ASH1L: variants seen among roughly 807,000 people sequenced by gnomAD.
ASH1L encodes histone-lysine N-methyltransferase ASH1L.
In ASH1L, 23 loss-of-function variants were observed where a neutral mutation model predicts 269.0. The observed-to-expected ratio is 0.09, with a 90% CI of 0.06 to 0.12. The LOEUF is 0.12. Among genes scored for constraint, ASH1L ranks in the 10% least tolerant of loss-of-function variants. The pLI is 1.00. For missense variants in ASH1L, 2,912 were observed against 3,567.8 expected (o/e 0.82, Z 4.68); for synonymous variants, 1,187 against 1,253.5 (o/e 0.95, Z 1.12).
intron 2 of ASH1L, among the ~76,000 whole-genome samples, chr1:155,506,209 G>A (rs1370760291): frequency 1.3e-5 from 2 of 152,026 alleles, no homozygotes; most frequent in Non-Finnish European, 2.9e-5. Flanking sequence ...TGGTGTATAT[G>A]TTAATACACT....
chr1:155,354,734 G>A (rs1011803974), intron 15 of ASH1L, 104 bp from the exon 16 acceptor site: 13 of 1,144,508 alleles, frequency 1.1e-5, no homozygotes, highest in Non-Finnish European at 1.6e-5. Context: ...CGTGAATTGA[G>A]CTGTTGTAAA....
chr1:155,393,995 G>C (rs1188443913), intron 7 of ASH1L, among the ~76,000 whole-genome samples: 1 of 152,126 alleles, frequency 6.6e-6, no homozygotes, highest in Non-Finnish European at 1.5e-5. Context: ...AATAAATATT[G>C]TAATTATAGA....
chr1:155,545,464 A>C (rs1670742887), intron 1 of ASH1L, among the ~76,000 whole-genome samples: 1 of 151,600 alleles, frequency 6.6e-6, no homozygotes, highest in South Asian at 2.1e-4. Context: ...TATTTTTTAT[A>C]CACACACACA....
chr1:155,387,065 C>T (rs779114204), intron 7 of ASH1L, among the ~76,000 whole-genome samples: 11 of 152,080 alleles, frequency 7.2e-5, no homozygotes, highest in Non-Finnish European at 1.3e-4. Flanking sequence ...CCTCCACCTC[C>T]AGGGTTCAAG....
At chr1:155,385,373 G>A (rs1657342058) in intron 7 of ASH1L, among the ~76,000 whole-genome samples, 1 of 152,194 alleles carries the variant, frequency 6.6e-6, no homozygotes, top group Non-Finnish European at 1.5e-5. Flanking sequence ...GAACCTGGGA[G>A]GTAGAGGCTA....
intron 10 of ASH1L, among the ~76,000 whole-genome samples, chr1:155,376,572 G>A (rs989274395): frequency 1.1e-4 from 17 of 152,148 alleles, no homozygotes; most frequent in African/African-American, 2.6e-4. Flanking sequence ...CCAGCTACTC[G>A]GGAGGCTGAG....
intron 5 of ASH1L, chr1:155,433,947 C>A: frequency 6.3e-7 from 1 of 1,581,454 alleles, no homozygotes; most frequent in Non-Finnish European, 8.6e-7. Context: ...CCGAAACCCA[C>A]ACTGCAGCAG....
intron 12 of ASH1L, chr1:155,370,264 A>G: frequency 1.9e-6 from 1 of 530,266 alleles, no homozygotes. Context: ...TGCATGCCAA[A>G]CAAAAAAACC....
At chr1:155,433,184 C>T (rs571949786) in intron 5 of ASH1L, 14 of 1,533,664 alleles carry the variant, frequency 9.1e-6, no homozygotes, top group South Asian at 4.8e-5. Context: ...TTCCCCATGG[C>T]GGGACACCTG....
chr1:155,343,297 T>G lies in ASH1L; in HGVS notation c.8293+17A>C. ...CACTTGGCCGAGGTCATTTTTTAAC[T>G]AGCCCAGATCACTTACCTTTACAAT... is the stretch of plus-strand genomic sequence containing the variant. On this transcript the variant is annotated intron_variant, in intron 24 of 27. Coordinates refer to ENST00000392403, the MANE Select transcript of ASH1L (RefSeq NM_018489.3). The surrounding 1 kb of genome is among the most constrained non-coding windows in gnomAD (Gnocchi z 6.1). The G allele has an allele frequency of 6.2e-7, 1 of 1,601,000 alleles. No individual in the cohort carries two copies. Among genetic ancestry groups the G allele is most frequent in the Non-Finnish European group, 8.5e-7 (1 of 1,173,002 alleles).
chr1:155,529,026 G>A (rs1160750993), intron 1 of ASH1L, among the ~76,000 whole-genome samples: 3 of 151,854 alleles, frequency 2.0e-5, no homozygotes, highest in African/African-American at 7.3e-5. Context: ...CCAAGTACAT[G>A]ATCTCATTTT....
chr1:155,488,098 G>A, intron 2 of ASH1L, among the ~76,000 whole-genome samples: 1 of 151,268 alleles, frequency 6.6e-6, no homozygotes, highest in East Asian at 2.0e-4. Flanking sequence ...TCTTGGCCAG[G>A]CTGGTCTTGA....
intron 21 of ASH1L, 33 bp from the exon 22 acceptor site, chr1:155,344,306 TG>T: frequency 1.3e-6 from 2 of 1,497,584 alleles, no homozygotes; most frequent in Non-Finnish European, 1.9e-6. Context: ...GTATAAGGGC[TG>T]GAATTACTAC....
chr1:155,399,022 T>C (rs1367484544), intron 6 of ASH1L, among the ~76,000 whole-genome samples: 1 of 152,136 alleles, frequency 6.6e-6, no homozygotes, highest in African/African-American at 2.4e-5. Flanking sequence ...TGTGAGCCAT[T>C]GTGCCCAGCC....
chr1:155,428,823 A>AT (rs1165137421), intron 5 of ASH1L, among the ~76,000 whole-genome samples: 11 of 152,200 alleles, frequency 7.2e-5, no homozygotes, highest in Non-Finnish European at 1.2e-4. Flanking sequence ...TCTAATATCT[A>AT]TAGAAACAAT....
intron 1 of ASH1L, among the ~76,000 whole-genome samples, chr1:155,545,532 G>C (rs1201389928): frequency 6.7e-6 from 1 of 150,298 alleles, no homozygotes; most frequent in Non-Finnish European, 1.5e-5. Context: ...TATTTGGAAA[G>C]AGTAGGACAA....
At position 155,542,361 on chromosome 1, in the gene ASH1L, A is replaced by G. The variant is rs558372698; in HGVS notation, c.-100+19792T>C. 1.1e-4 allele frequency among the ~76,000 whole-genome samples: 17 copies of G among 152,186 alleles called. No homozygotes were observed. In the East Asian group the frequency reaches 2.1e-3, roughly 19 times the overall value. ...TCAGGAGATCGAGACCATCCTGGCTAACACAGTGAAACCCCATCTCTATCA... is the reference window on the plus strand; with the variant it reads ...TCAGGAGATCGAGACCATCCTGGCTGACACAGTGAAACCCCATCTCTATCA... On this transcript the variant is annotated intron_variant, in intron 1 of 27. Coordinates refer to ENST00000392403, the MANE Select transcript of ASH1L (RefSeq NM_018489.3).
chr1:155,543,643 A>G (rs1364488802), intron 1 of ASH1L, among the ~76,000 whole-genome samples: 1 of 151,770 alleles, frequency 6.6e-6, no homozygotes, highest in Non-Finnish European at 1.5e-5. Context: ...CATCATAAAC[A>G]AAAATAAGGC....
At chr1:155,474,357 A>T (rs1457298316) in intron 3 of ASH1L, among the ~76,000 whole-genome samples, 1 of 152,074 alleles carries the variant, frequency 6.6e-6, no homozygotes, top group Non-Finnish European at 1.5e-5. Flanking sequence ...ATACCCAACG[A>T]CCTTCTCAAA....
Sources: gnomAD v4.1 joint callset for allele counts (sites outside exome capture counted in the v4.1 genomes callset) on GRCh38, gnomAD v4.1.1 for gene constraint, Gnocchi (gnomAD v3.1) non-coding constraint, MANE v1.5 for transcripts, NCBI Gene and HGNC (gene_info 2026-07-23, HGNC 2026-07-21) for gene names.